The following MEF2C variants were observed in gnomAD, a reference collection of about 807,000 sequenced individuals.
The protein encoded by MEF2C is myocyte-specific enhancer factor 2C.
Under a neutral mutation model 50.5 loss-of-function variants are expected in MEF2C, and 6 were observed. That is an observed-to-expected ratio of 0.12 (90% CI 0.07 to 0.23). The LOEUF (loss-of-function observed/expected upper bound fraction) is 0.23, where lower values mean the gene tolerates loss of function less well. Among genes scored for constraint, MEF2C ranks in the 10% least tolerant of loss-of-function variants. MEF2C has a pLI of 1.00. For missense variants in MEF2C, 276 were observed against 605.0 expected (o/e 0.46, Z 5.70); for synonymous variants, 183 against 228.0 (o/e 0.80, Z 1.78).
chr5:88,857,413 T>C (rs1463945720), intron 1 of MEF2C, among the ~76,000 whole-genome samples: 1 of 152,184 alleles, frequency 6.6e-6, no homozygotes, highest in Non-Finnish European at 1.5e-5. Context: ...ATTTCGACTT[T>C]TGGGTTAATA....
chr5:88,814,726 T>G (rs1804530820), intron 2 of MEF2C, among the ~76,000 whole-genome samples: 1 of 151,984 alleles, frequency 6.6e-6, no homozygotes, highest in Admixed American at 6.6e-5. Context: ...AAATAATAAA[T>G]CACAGTTAGA....
intron 4 of MEF2C, among the ~76,000 whole-genome samples, chr5:88,759,145 A>G (rs1776717431): frequency 6.6e-6 from 1 of 152,184 alleles, no homozygotes; most frequent in African/African-American, 2.4e-5. Flanking sequence ...GCTCCACACC[A>G]ATGTATTATA....
chr5:88,847,105 C>T (rs570536201), intron 1 of MEF2C, among the ~76,000 whole-genome samples: 83 of 152,216 alleles, frequency 5.5e-4, no homozygotes, highest in African/African-American at 1.8e-3. Flanking sequence ...AGCTCTATTG[C>T]GGATTTGTAA....
At chr5:88,737,703 C>T (rs1304457150) in intron 6 of MEF2C, 1 of 985,176 alleles carries the variant, frequency 1.0e-6, no homozygotes, top group African/African-American at 1.7e-5. Context: ...ACAGAGAGAT[C>T]TCAGAGTTTA....
chr5:88,752,120 T>C, intron 4 of MEF2C, 77 bp from the exon 5 acceptor site: 1 of 1,339,228 alleles, frequency 7.5e-7, no homozygotes, highest in Non-Finnish European at 1.0e-6. Context: ...ACAGCCCTTA[T>C]TTTTCCAAGA....
intron 1 of MEF2C, among the ~76,000 whole-genome samples, chr5:88,855,728 T>C (rs1377557666): frequency 6.6e-6 from 1 of 152,234 alleles, no homozygotes; most frequent in African/African-American, 2.4e-5. Context: ...TCTTTCCTGC[T>C]GCCCTGTGAA....
At chr5:88,770,089 CA>C in intron 3 of MEF2C, 1 of 799,624 alleles carries the variant, frequency 1.3e-6, no homozygotes, top group South Asian at 5.7e-5. Context: ...ATAAATTAAA[CA>C]AAGGTTGAGA....
upstream of MEF2C, chr5:88,883,514 G>A (rs1833598937): frequency 6.6e-6 from 1 of 150,540 alleles, no homozygotes; most frequent in African/African-American, 2.4e-5. Flanking sequence ...GGTGGGGGCG[G>A]GGGGGATTGA....
chr5:88,857,035 G>C (rs1398099699), intron 1 of MEF2C, among the ~76,000 whole-genome samples: 3 of 152,232 alleles, frequency 2.0e-5, no homozygotes, highest in Admixed American at 2.0e-4. Flanking sequence ...ATGCCAGCCT[G>C]AGAAAGCAGC....
intron 1 of MEF2C, among the ~76,000 whole-genome samples, chr5:88,866,191 C>G (rs534287189): frequency 9.2e-5 from 14 of 152,188 alleles, no homozygotes; most frequent in Non-Finnish European, 2.1e-4. Flanking sequence ...CCACCGCGCC[C>G]GGCCCAAGTC....
chr5:88,872,712 T>C (rs897949524), intron 1 of MEF2C, among the ~76,000 whole-genome samples: 2 of 152,008 alleles, frequency 1.3e-5, no homozygotes, highest in African/African-American at 4.8e-5. Flanking sequence ...TAAAAAACTT[T>C]AAGAGGTGGG....
chr5:88,875,942 C>T (rs1416132362), intron 1 of MEF2C, among the ~76,000 whole-genome samples: 1 of 151,696 alleles, frequency 6.6e-6, no homozygotes, highest in East Asian at 1.9e-4. Flanking sequence ...AAAAATATAC[C>T]AGAACTCTAC....
chr5:88,824,215 T>C, intron 1 of MEF2C: 1 of 975,678 alleles, frequency 1.0e-6, no homozygotes, highest in Non-Finnish European at 1.2e-6. Context: ...TTTTTTTTTG[T>C]AAAAAGTTTC....
chr5:88,824,475 TCTTA>T, intron 1 of MEF2C: 1 of 494,580 alleles, frequency 2.0e-6, no homozygotes, highest in Non-Finnish European at 2.6e-6. Flanking sequence ...AATCCTTTAA[TCTTA>T]CTTTAAAAAA....
chr5:88,794,266 G>A (rs1795071909), intron 3 of MEF2C, among the ~76,000 whole-genome samples: 1 of 152,176 alleles, frequency 6.6e-6, no homozygotes, highest in South Asian at 2.1e-4. Context: ...CACCAACAGT[G>A]TAAAAGTGTT....
Position 88,747,619 on chromosome 5 carries a change from GA to G in MEF2C, c.637+1450del, listed in dbSNP as rs1361177167. ...CCGCCTCGGCCTCCCAAAGTGCTGG[GA>G]TTACAGGCGTGAGCCACCGCGCCCG... On this transcript the variant is annotated intron_variant, in intron 6 of 10. Coordinates refer to ENST00000504921, the MANE Select transcript of MEF2C (RefSeq NM_002397.5). 9.0e-5 allele frequency among the ~76,000 whole-genome samples: 9 copies of G among 100,330 alleles called. 3 individuals are homozygous for G. The highest frequency in any genetic ancestry group is 2.3e-4 in the East Asian group (1 of 4,340). 65.8% of individuals were successfully genotyped at this position (100,330 alleles called of 152,430 possible).
At chr5:88,899,420 A>G (rs886746367) in intron 1 of MEF2C, among the ~76,000 whole-genome samples, 1 of 152,154 alleles carries the variant, frequency 6.6e-6, no homozygotes. Context: ...CTTTCATTGG[A>G]TAACTAAAAC....
intron 7 of MEF2C, among the ~76,000 whole-genome samples, chr5:88,730,642 A>C (rs903500661): frequency 1.3e-5 from 2 of 152,178 alleles, no homozygotes; most frequent in African/African-American, 4.8e-5. Flanking sequence ...AAATCTGTTG[A>C]TAGAGATGGC....
At chr5:88,740,083 T>C in intron 6 of MEF2C, 3 of 985,324 alleles carry the variant, frequency 3.0e-6, no homozygotes, top group African/African-American at 1.7e-5. Flanking sequence ...TTCTTGGCCA[T>C]ACCAGTTCAG....
Sources: gnomAD v4.1 joint callset for allele counts (sites outside exome capture counted in the v4.1 genomes callset) on GRCh38, gnomAD v4.1.1 for gene constraint, MANE v1.5 for transcripts, NCBI Gene and HGNC (gene_info 2026-07-23, HGNC 2026-07-21) for gene names.